SNX29: variants seen among roughly 807,000 people sequenced by gnomAD.
SNX29 encodes the protein sorting nexin-29.
A neutral mutation model predicts 102.1 loss-of-function variants in SNX29; 78 were observed. That is an observed-to-expected ratio of 0.76 (90% CI 0.64 to 0.92). SNX29 has a LOEUF of 0.92. SNX29 is among the 40% of genes least tolerant of loss of function. The pLI, the probability that SNX29 is intolerant of heterozygous loss-of-function variation, is 0.00. For missense variants in SNX29, 1,280 were observed against 1,061.7 expected (o/e 1.21, Z -2.86); for synonymous variants, 580 against 414.5 (o/e 1.40, Z -4.85).
intron 16 of SNX29, among the ~76,000 whole-genome samples, chr16:12,371,862 C>G (rs8061414): frequency 0.87 from 132,642 of 152,258 alleles, 57,951 homozygotes; most frequent in Middle Eastern, 0.94. Context: ...TTCGTCTGCT[C>G]TTTCTCCACC....
At chr16:12,251,845 G>A (rs906772646) in intron 14 of SNX29, among the ~76,000 whole-genome samples, 10 of 151,932 alleles carry the variant, frequency 6.6e-5, no homozygotes, top group African/African-American at 2.4e-4. Context: ...CTGCAGCCTC[G>A]AGCTTCTGGA....
chr16:12,517,881 A>G (rs1220719695), intron 19 of SNX29, among the ~76,000 whole-genome samples: 2 of 152,134 alleles, frequency 1.3e-5, no homozygotes, highest in East Asian at 1.9e-4. Flanking sequence ...GAAGACCAAA[A>G]TGGCAAGGCC....
intron 20 of SNX29, among the ~76,000 whole-genome samples, chr16:12,551,199 T>C (rs189315295): frequency 2.0e-5 from 3 of 151,578 alleles, no homozygotes; most frequent in African/African-American, 4.9e-5. Context: ...AGAGAGCCTT[T>C]AGGAACACAC....
chr16:12,444,847 T>TTG (rs1567570220), intron 18 of SNX29, among the ~76,000 whole-genome samples: 1 of 147,316 alleles, frequency 6.8e-6, no homozygotes, highest in African/African-American at 2.6e-5. Flanking sequence ...TTTTTGTTTT[T>TTG]TTTTTTTTTT....
chr16:12,240,411 A>G (rs1370479499), intron 14 of SNX29, among the ~76,000 whole-genome samples: 2 of 151,626 alleles, frequency 1.3e-5, no homozygotes, highest in African/African-American at 4.9e-5. Flanking sequence ...TTGTATTTCT[A>G]CTGTGTTTCA....
At chr16:12,285,597 AT>A (rs1393841108) in intron 15 of SNX29, among the ~76,000 whole-genome samples, 1 of 152,224 alleles carries the variant, frequency 6.6e-6, no homozygotes, top group East Asian at 1.9e-4. Flanking sequence ...TGTGATCATC[AT>A]TTTAATAAAG....
intron 20 of SNX29, among the ~76,000 whole-genome samples, chr16:12,537,384 A>G (rs181630062): frequency 2.0e-5 from 3 of 152,374 alleles, no homozygotes; most frequent in African/African-American, 7.2e-5. Flanking sequence ...AGAAAGAGCA[A>G]GACTTTGAGC....
At chr16:12,532,702 C>G (rs994468894) in intron 20 of SNX29, among the ~76,000 whole-genome samples, 4 of 152,106 alleles carry the variant, frequency 2.6e-5, no homozygotes, top group African/African-American at 9.7e-5. Flanking sequence ...GGGTCAGGTG[C>G]CCAGGGAAAG....
intron 16 of SNX29, among the ~76,000 whole-genome samples, chr16:12,378,817 C>T (rs1232142245): frequency 7.2e-5 from 11 of 152,164 alleles, no homozygotes; most frequent in South Asian, 2.1e-4. Context: ...CAGCCCAGTC[C>T]GTCTCCCCTC....
chr16:12,107,185 C>G (rs555598643), intron 11 of SNX29, among the ~76,000 whole-genome samples: 1 of 152,114 alleles, frequency 6.6e-6, no homozygotes, highest in Non-Finnish European at 1.5e-5. Context: ...CAAGGCTGCA[C>G]GTGAAGGCGA....
At chr16:12,139,717 T>TG (rs2054798967) in intron 13 of SNX29, among the ~76,000 whole-genome samples, 1 of 152,102 alleles carries the variant, frequency 6.6e-6, no homozygotes. Context: ...CCAGGTGCAG[T>TG]GGCTCACGCC....
intron 19 of SNX29, among the ~76,000 whole-genome samples, chr16:12,521,601 G>A (rs1280700801): frequency 2.0e-5 from 3 of 152,176 alleles, no homozygotes; most frequent in Non-Finnish European, 4.4e-5. Context: ...GTTTTTGCAG[G>A]GCTGATGAGC....
At chr16:12,537,559 G>A (rs963069408) in intron 20 of SNX29, among the ~76,000 whole-genome samples, 14 of 152,156 alleles carry the variant, frequency 9.2e-5, no homozygotes, top group Non-Finnish European at 8.8e-5. Flanking sequence ...TTCTCGAAGG[G>A]AAGCAATTTT....
At chr16:12,145,973 T>G (rs956725222) in intron 13 of SNX29, among the ~76,000 whole-genome samples, 1 of 152,260 alleles carries the variant, frequency 6.6e-6, no homozygotes, top group African/African-American at 2.4e-5. Flanking sequence ...GTAAGCATGT[T>G]TGTAAAGGCT....
At chr16:12,376,892 C>A (rs2082895345) in intron 16 of SNX29, among the ~76,000 whole-genome samples, 1 of 152,094 alleles carries the variant, frequency 6.6e-6, no homozygotes, top group Non-Finnish European at 1.5e-5. Flanking sequence ...TCTCACATGT[C>A]TGTAATTTCA....
At chr16:12,118,146 C>T (rs896877236) in intron 11 of SNX29, among the ~76,000 whole-genome samples, 7 of 152,028 alleles carry the variant, frequency 4.6e-5, no homozygotes, top group African/African-American at 9.7e-5. Flanking sequence ...CCGCTCCCCA[C>T]CCGCTTCTCA....
rs1396281302 is a variant in SNX29, at chr16:12,570,185, A to G, written c.*1556A>G. The G allele has an allele frequency of 1.9e-6, 2 of 1,064,188 alleles. No homozygotes were observed. Among genetic ancestry groups the G allele is most frequent in the African/African-American group, 1.6e-5 (1 of 61,010 alleles). The allele number at this position is 1,064,188 out of a possible 1,614,324, so 65.9% of individuals were successfully genotyped here. On this transcript the variant is annotated 3_prime_UTR_variant, in exon 21 of 21. Coordinates refer to ENST00000566228, the MANE Select transcript of SNX29 (RefSeq NM_032167.5). ...CCCCCCACCCCAGAGAAACCGAGTC[A>G]GCCTACATGACTTCCAAGGGGACCT... is the stretch of plus-strand genomic sequence containing the variant.
At chr16:12,335,889 G>A (rs1334925996) in intron 15 of SNX29, among the ~76,000 whole-genome samples, 1 of 151,864 alleles carries the variant, frequency 6.6e-6, no homozygotes, top group Non-Finnish European at 1.5e-5. Context: ...TCAAGCTCAT[G>A]TGGCTCATCA....
In SNX29 at chr16:12,436,069, A is replaced by G. The variant is rs569013898; in HGVS notation, c.2037+32540A>G. 5.8e-4 allele frequency among the ~76,000 whole-genome samples: 88 copies of G among 152,194 alleles called. 1 individual carries two copies. The South Asian group carries it at 0.015, about 26-fold the overall frequency. On this transcript the variant is annotated intron_variant, in intron 18 of 20. Coordinates refer to ENST00000566228, the MANE Select transcript of SNX29 (RefSeq NM_032167.5). ...TGGGGGCGGGTGTCAATGGCACTCA[A>G]TTGGGGCGCCGCACACACCGTGAGT... is the stretch of plus-strand genomic sequence containing the variant.
Sources: gnomAD v4.1 joint callset for allele counts (sites outside exome capture counted in the v4.1 genomes callset) on GRCh38, gnomAD v4.1.1 for gene constraint, MANE v1.5 for transcripts, NCBI Gene and HGNC (gene_info 2026-07-23, HGNC 2026-07-21) for gene names.